The following PRKN variants were observed in gnomAD, a reference collection of about 807,000 sequenced individuals.
The protein encoded by PRKN is E3 ubiquitin-protein ligase parkin.
Under a neutral mutation model 59.5 loss-of-function variants are expected in PRKN, and 56 were observed. The ratio of observed to expected loss-of-function variants is 0.94; its 90% CI spans 0.76 to 1.18. The LOEUF (loss-of-function observed/expected upper bound fraction) is 1.18, where lower values mean the gene tolerates loss of function less well. PRKN is among the 50% of genes most tolerant of loss of function. The probability of loss-of-function intolerance (pLI) is 0.00; values close to 1 mark genes in which losing one functional copy is unlikely to be tolerated. For missense variants in PRKN, 657 were observed against 596.4 expected, an observed-to-expected ratio of 1.10 and a Z score of -1.06; for synonymous variants, 250 against 222.1, an observed-to-expected ratio of 1.13 and a Z score of -1.12.
At chr6:162,410,303 C>T (rs1030945983) in intron 2 of PRKN, among the ~76,000 whole-genome samples, 2 of 152,106 alleles carry the variant, frequency 1.3e-5, no homozygotes, top group Non-Finnish European at 2.9e-5. Context: ...CTCAGTTCCC[C>T]ACCCTGACCA....
At chr6:162,055,224 AG>A (rs1777809599) in intron 4 of PRKN, among the ~76,000 whole-genome samples, 1 of 152,216 alleles carries the variant, frequency 6.6e-6, no homozygotes, top group Non-Finnish European at 1.5e-5. Context: ...GAGAGGGCAC[AG>A]GGGATCAGGA....
chr6:162,272,355 T>C (rs1780432783), intron 2 of PRKN, among the ~76,000 whole-genome samples: 1 of 152,194 alleles, frequency 6.6e-6, no homozygotes, highest in Non-Finnish European at 1.5e-5. Context: ...CAAGTATCAC[T>C]TCTTTTTTCT....
At chr6:161,387,855 C>T (rs1786334460) in intron 9 of PRKN, among the ~76,000 whole-genome samples, 1 of 152,134 alleles carries the variant, frequency 6.6e-6, no homozygotes, top group African/African-American at 2.4e-5. Context: ...TTCAATCTGA[C>T]TGGTGTCCTT....
chr6:162,150,926 A>C (rs988586742), intron 4 of PRKN, among the ~76,000 whole-genome samples: 1 of 152,190 alleles, frequency 6.6e-6, no homozygotes, highest in Non-Finnish European at 1.5e-5. Flanking sequence ...ACTATGAAAA[A>C]ATGCTCAAAT....
chr6:162,370,026 G>A (rs577544683), intron 2 of PRKN, among the ~76,000 whole-genome samples: 1 of 152,240 alleles, frequency 6.6e-6, no homozygotes, highest in East Asian at 1.9e-4. Context: ...ATCATCAAGT[G>A]GCCACCTACG....
At chr6:161,883,425 T>G (rs1162281148) in intron 6 of PRKN, among the ~76,000 whole-genome samples, 3 of 149,098 alleles carry the variant, frequency 2.0e-5, no homozygotes, top group Non-Finnish European at 4.4e-5. Flanking sequence ...AGGCTGAGGT[T>G]GCAGTGAGCT....
intron 6 of PRKN, among the ~76,000 whole-genome samples, chr6:161,972,742 C>A (rs1016267492): frequency 6.6e-6 from 1 of 151,876 alleles, no homozygotes; most frequent in Non-Finnish European, 1.5e-5. Flanking sequence ...AATTTTTTTT[C>A]CATTCCTGGC....
In PRKN at chr6:161,463,655, G is replaced by A. The variant is rs941223154; in HGVS notation, c.1084-76778C>T. Among the ~76,000 whole-genome samples the A allele has an allele frequency of 2.6e-5, 4 of 152,130 alleles. No individual in the cohort carries two copies. Among genetic ancestry groups the A allele is most frequent in the African/African-American group, 9.7e-5 (4 of 41,428 alleles). On this transcript the variant is annotated intron_variant, in intron 9 of 11. Coordinates refer to ENST00000366898, the MANE Select transcript of PRKN (RefSeq NM_004562.3). The surrounding 1 kb of genome is among the most constrained non-coding windows in gnomAD (Gnocchi z 4.8). ...AGGTAAAGGCCAAAGTTTTGATTCA[G>A]CATGAATGAGAAATTCAATGTACTA... is the stretch of plus-strand genomic sequence containing the variant.
At chr6:162,177,100 A>G (rs751194047) in intron 4 of PRKN, among the ~76,000 whole-genome samples, 1 of 152,164 alleles carries the variant, frequency 6.6e-6, no homozygotes, top group Non-Finnish European at 1.5e-5. Flanking sequence ...ATTGCTGTAT[A>G]TAGTCACACA....
chr6:162,045,926 A>G (rs542066779), intron 5 of PRKN, among the ~76,000 whole-genome samples: 7 of 152,340 alleles, frequency 4.6e-5, no homozygotes, highest in African/African-American at 1.7e-4. Flanking sequence ...GGTCTAATGT[A>G]CCATCTCGAT....
At chr6:161,840,917 A>C (rs552048564) in intron 6 of PRKN, among the ~76,000 whole-genome samples, 1 of 152,272 alleles carries the variant, frequency 6.6e-6, no homozygotes, top group African/African-American at 2.4e-5. Context: ...TCAAAAAAAA[A>C]CAGATGCTGG....
intron 5 of PRKN, among the ~76,000 whole-genome samples, chr6:162,022,009 G>A (rs770433203): frequency 1.3e-5 from 2 of 151,998 alleles, no homozygotes; most frequent in Non-Finnish European, 2.9e-5. Flanking sequence ...CATCCACGTC[G>A]CTGCAAAGGA....
At chr6:161,851,288 C>A (rs905186407) in intron 6 of PRKN, among the ~76,000 whole-genome samples, 4 of 152,036 alleles carry the variant, frequency 2.6e-5, no homozygotes, top group Admixed American at 2.0e-4. Flanking sequence ...GTAGGAAGAC[C>A]CTCACCAGAT....
chr6:162,042,221 C>A (rs1303883544), intron 5 of PRKN, among the ~76,000 whole-genome samples: 1 of 151,622 alleles, frequency 6.6e-6, no homozygotes, highest in African/African-American at 2.4e-5. Flanking sequence ...ATAAATGAAA[C>A]AAACATTTAT....
chr6:161,879,635 C>T (rs1794859318), intron 6 of PRKN, among the ~76,000 whole-genome samples: 1 of 152,060 alleles, frequency 6.6e-6, no homozygotes, highest in Non-Finnish European at 1.5e-5. Flanking sequence ...TGTGAGCCAC[C>T]ATGCCCAGCC....
At chr6:162,370,743 C>T (rs1785721892) in intron 2 of PRKN, among the ~76,000 whole-genome samples, 1 of 152,120 alleles carries the variant, frequency 6.6e-6, no homozygotes, top group African/African-American at 2.4e-5. Context: ...GAGTTATCAG[C>T]ATCTCCAGAG....
In PRKN at chr6:161,386,959, A is replaced by G; in HGVS notation, c.1084-82T>C. ...ACATTTTTCCTTTTCCAAATTCATT[A>G]TATTCATTCCTCTGGCTTGTGCAAC... On this transcript the variant is annotated intron_variant, in intron 9 of 11. Transcript: ENST00000366898. The surrounding 1 kb of genome is among the most constrained non-coding windows in gnomAD (Gnocchi z 4.3). The G allele has an allele frequency of 9.4e-7, 1 of 1,064,848 alleles. No individual in the cohort carries two copies. The highest frequency in any genetic ancestry group is 1.5e-6 in the Non-Finnish European group (1 of 679,562). 66.0% of individuals were successfully genotyped at this position (1,064,848 alleles called of 1,614,324 possible).
chr6:161,779,432 TTTCTTTTC>T, intron 7 of PRKN, among the ~76,000 whole-genome samples: 2 of 95,972 alleles, frequency 2.1e-5, no homozygotes, highest in East Asian at 3.0e-4. Flanking sequence ...CTCTTTTTCT[TTTCTTTTC>T]TTTTTTTTTT....
At chr6:161,898,002 A>G (rs1777722707) in intron 6 of PRKN, among the ~76,000 whole-genome samples, 1 of 149,952 alleles carries the variant, frequency 6.7e-6, no homozygotes, top group Admixed American at 6.7e-5. Flanking sequence ...AGTTGCATAG[A>G]AAAGGTTTTT....
Sources: allele counts gnomAD v4.1 joint callset (sites outside exome capture counted in the v4.1 genomes callset), GRCh38; gene constraint gnomAD v4.1.1; non-coding constraint Gnocchi (gnomAD v3.1); transcripts MANE v1.5; gene names NCBI Gene and HGNC (gene_info 2026-07-23, HGNC 2026-07-21).